The following NCOA1 variants were observed in gnomAD, a reference collection of about 807,000 sequenced individuals.
NCOA1 encodes the protein nuclear receptor coactivator 1, also known as Hin-2 protein.
NCOA1 carries 35 observed loss-of-function variants against 150.9 expected under a neutral mutation model. The observed-to-expected ratio is 0.23, with a 90% CI of 0.18 to 0.31. The LOEUF (loss-of-function observed/expected upper bound fraction) is 0.31, where lower values mean the gene tolerates loss of function less well. NCOA1 is among the 10% of genes least tolerant of loss of function. The pLI is 1.00. For synonymous variants in NCOA1, 590 were observed against 630.0 expected, an observed-to-expected ratio of 0.94 and a Z score of 0.95; for missense variants, 1,491 against 1,749.3, an observed-to-expected ratio of 0.85 and a Z score of 2.63.
intron 8 of NCOA1, 95 bp downstream of exon 8, chr2:24,683,223 C>G (rs1046373220): frequency 3.1e-5 from 22 of 709,974 alleles, no homozygotes; most frequent in Non-Finnish European, 4.4e-5. Context: ...TTATAATACA[C>G]AGTATTATAT....
intron 1 of NCOA1, among the ~76,000 whole-genome samples, chr2:24,501,932 G>C (rs973105762): frequency 3.1e-4 from 47 of 152,096 alleles, no homozygotes; most frequent in Admixed American, 3.1e-3. Context: ...GGATATATCT[G>C]ATGTCATTAC....
intron 13 of NCOA1, among the ~76,000 whole-genome samples, chr2:24,708,521 T>G (rs1377460652): frequency 6.6e-6 from 1 of 151,928 alleles, no homozygotes; most frequent in African/African-American, 2.4e-5. Flanking sequence ...TAGGATGGGG[T>G]GAAAGTGGTG....
chr2:24,557,193 G>T (rs895733418), intron 1 of NCOA1, among the ~76,000 whole-genome samples: 2 of 151,758 alleles, frequency 1.3e-5, no homozygotes, highest in Non-Finnish European at 2.9e-5. Flanking sequence ...ATTGCCCTTG[G>T]TTGAGAACTG....
Position 24,658,769 on chromosome 2 carries a change from A to G in NCOA1, c.89+3A>G, listed in dbSNP as rs1671055202. On this transcript the variant is annotated splice_donor_region_variant and intron_variant, in intron 5 of 22. Coordinates refer to ENST00000348332, the MANE Select transcript of NCOA1 (RefSeq NM_003743.5). ...CCATGTGACACACTGGCATCAAGGT[A>G]GGAACACTCCTCTTAGTCTATTTTT... 6.2e-7 allele frequency: 1 copy of G among 1,613,748 alleles called. No homozygotes were observed. The highest frequency in any genetic ancestry group is 2.2e-5 in the East Asian group (1 of 44,876).
In NCOA1 at chr2:24,758,006, G is replaced by A. The variant is rs773645585; in HGVS notation, c.3915G>A (p.Thr1305=). 1.1e-5 allele frequency: 17 copies of A among 1,613,892 alleles called. No homozygotes were observed. Among genetic ancestry groups the A allele is most frequent in the African/African-American group, 8.0e-5 (6 of 74,870 alleles). The change falls in exon 21 of 23, where the codon ACG becomes ACA. Residue 1305 remains threonine, a synonymous_variant. Coordinates refer to ENST00000348332, the MANE Select transcript of NCOA1 (RefSeq NM_003743.5). ...GTCAAGCTGTCCAGAACCAGCCCAC[G>A]CCTGCACAGCCAGGAGTATACAACA... ...VFSQAVQNQP[T]PAQPGVYNNM...
intron 3 of NCOA1, among the ~76,000 whole-genome samples, chr2:24,621,245 A>G (rs1040842618): frequency 6.6e-5 from 10 of 152,098 alleles, no homozygotes; most frequent in Non-Finnish European, 8.8e-5. Flanking sequence ...AAATTACAGT[A>G]ACGGCACTTC....
At chr2:24,685,869 C>G (rs1416815012) in intron 8 of NCOA1, among the ~76,000 whole-genome samples, 1 of 152,100 alleles carries the variant, frequency 6.6e-6, no homozygotes, top group African/African-American at 2.4e-5. Flanking sequence ...ATGCTTTTAT[C>G]TTAGAAATCA....
chr2:24,718,897 C>T (rs1240464829), intron 14 of NCOA1, among the ~76,000 whole-genome samples: 4 of 149,078 alleles, frequency 2.7e-5, no homozygotes, highest in Admixed American at 6.7e-5. Flanking sequence ...GGTGTGGTGG[C>T]GGGCGCCTGT....
intron 2 of NCOA1, among the ~76,000 whole-genome samples, chr2:24,581,850 C>T (rs1404643817): frequency 6.6e-6 from 1 of 152,094 alleles, no homozygotes; most frequent in South Asian, 2.1e-4. Flanking sequence ...GAATGAAGTA[C>T]AAAATCATAT....
In NCOA1 at chr2:24,591,422, C is replaced by T. The variant is rs531246074; in HGVS notation, c.-175+6862C>T. 9.2e-5 allele frequency among the ~76,000 whole-genome samples: 14 copies of T among 152,270 alleles called. No individual in the cohort carries two copies. The East Asian group carries it at 2.3e-3, about 25-fold the overall frequency. On this transcript the variant is annotated intron_variant, in intron 3 of 22. Transcript: ENST00000348332. ...CAAACTAGGAAAAAATTGTATCTTT[C>T]TTATAGATTGTTCTAAGACATCTAT...
At chr2:24,556,942 C>G (rs1435272156) in intron 1 of NCOA1, among the ~76,000 whole-genome samples, 1 of 151,790 alleles carries the variant, frequency 6.6e-6, no homozygotes, top group Non-Finnish European at 1.5e-5. Flanking sequence ...AGTGCTTGCT[C>G]TAGGCCATTG....
intron 8 of NCOA1, among the ~76,000 whole-genome samples, chr2:24,688,204 G>A (rs1672496939): frequency 6.6e-6 from 1 of 152,088 alleles, no homozygotes; most frequent in Non-Finnish European, 1.5e-5. Context: ...GAATACTGTG[G>A]CAATGAACAT....
chr2:24,756,071 TAA>T (rs369987098), intron 20 of NCOA1, among the ~76,000 whole-genome samples: 11 of 108,202 alleles, frequency 1.0e-4, no homozygotes, highest in African/African-American at 3.5e-4. Context: ...CCATCTCTAC[TAA>T]AAAAAAAAAA....
intron 3 of NCOA1, among the ~76,000 whole-genome samples, chr2:24,625,938 C>T (rs544838981): frequency 1.3e-5 from 2 of 152,112 alleles, no homozygotes; most frequent in Non-Finnish European, 2.9e-5. Flanking sequence ...TCATATCAGT[C>T]TTGGTGAAAT....
intron 1 of NCOA1, among the ~76,000 whole-genome samples, chr2:24,516,186 C>CTTTTTTT (rs755818385): frequency 2.2e-4 from 20 of 93,010 alleles, no homozygotes; most frequent in East Asian, 3.2e-4. Context: ...TAGGTTTTGC[C>CTTTTTTT]TTTTTTTTTT....
At chr2:24,734,036 T>C (rs1663159848) in intron 17 of NCOA1, among the ~76,000 whole-genome samples, 1 of 151,428 alleles carries the variant, frequency 6.6e-6, no homozygotes, top group Non-Finnish European at 1.5e-5. Flanking sequence ...AATACAAAAA[T>C]TAGCTGGGTG....
At chr2:24,736,532 CAGAATT>C (rs1361865802) in intron 17 of NCOA1, among the ~76,000 whole-genome samples, 1 of 152,034 alleles carries the variant, frequency 6.6e-6, no homozygotes, top group Admixed American at 6.6e-5. Flanking sequence ...GATCAGAAAA[CAGAATT>C]AGGATTAAAG....
intron 6 of NCOA1, among the ~76,000 whole-genome samples, chr2:24,667,918 C>T (rs1671504935): frequency 6.6e-6 from 1 of 152,134 alleles, no homozygotes; most frequent in African/African-American, 2.4e-5. Flanking sequence ...TCTTTTTATA[C>T]CTTCCTTATT....
At chr2:24,569,826 C>T (rs1666667070) in intron 2 of NCOA1, among the ~76,000 whole-genome samples, 1 of 147,540 alleles carries the variant, frequency 6.8e-6, no homozygotes, top group Non-Finnish European at 1.5e-5. Context: ...GCCAAGATCG[C>T]GCCACTGCAC....
Sources: allele counts gnomAD v4.1 joint callset (sites outside exome capture counted in the v4.1 genomes callset), GRCh38; gene constraint gnomAD v4.1.1; transcripts MANE v1.5; gene names NCBI Gene and HGNC (gene_info 2026-07-23, HGNC 2026-07-21).